Variants in TNXB observed in about 807,000 individuals in gnomAD.
TNXB encodes the protein tenascin XB.
Under a neutral mutation model 340.5 loss-of-function variants are expected in TNXB, and 183 were observed. That is an observed-to-expected ratio of 0.54 (90% CI 0.48 to 0.61). The LOEUF is 0.61. Among genes scored for constraint, TNXB ranks in the 20% least tolerant of loss-of-function variants. The probability of loss-of-function intolerance (pLI) is 0.00; values close to 1 mark genes in which losing one functional copy is unlikely to be tolerated. For missense variants in TNXB, 4,613 were observed against 5,446.4 expected (o/e 0.85, Z 4.82); for synonymous variants, 2,121 against 2,314.5 (o/e 0.92, Z 2.40).
Position 32,074,506 on chromosome 6 carries a change from T to A in TNXB, c.4376-554A>T, listed in dbSNP as rs1778972144. 6.6e-6 allele frequency among the ~76,000 whole-genome samples: 1 copy of A among 152,136 alleles called. No individual in the cohort carries two copies. Among genetic ancestry groups the A allele is most frequent in the Non-Finnish European group, 1.5e-5 (1 of 68,036 alleles). ...GGAGAGCGCTGAAATTCCATCTATA[T>A]GCCAATGACTCCAGATTTACACCCT... On this transcript the variant is annotated intron_variant, in intron 11 of 43. Coordinates refer to ENST00000644971, the MANE Select transcript of TNXB (RefSeq NM_001365276.2). The surrounding 1 kb of genome is among the most constrained non-coding windows in gnomAD (Gnocchi z 5.5).
rs1042215856 is a variant in TNXB at position 32,074,908 on chromosome 6, G to A, written c.4376-956C>T. On this transcript the variant is annotated intron_variant, in intron 11 of 43. Transcript: ENST00000644971. This position sits in a 1 kb window ranked among gnomAD's most constrained non-coding sequence, Gnocchi z 5.5. ...TTAGTCAGGTTGGTCTTGAACTCCC[G>A]ACCTCAGGTGATCCGCCCGCCTCGG... Among the ~76,000 whole-genome samples the A allele has an allele frequency of 1.2e-4, 18 of 152,158 alleles. No homozygotes were observed. The highest frequency in any genetic ancestry group is 4.3e-4 in the African/African-American group (18 of 41,426).
chr6:32,084,596 C>A lies in TNXB; in HGVS notation c.3262G>T (p.Glu1088Ter). ...TACTGGATCACGAAGGAGTCAAACTCGCCCTCGGGGACCGTCCAGCGCAGG... is the reference window on the plus strand; with the variant it reads ...TACTGGATCACGAAGGAGTCAAACTAGCCCTCGGGGACCGTCCAGCGCAGG... The part of the protein sequence containing the change: ...LLLRWTVPEG[E>*]FDSFVIQYKD... Residue 1088 changes from glutamate to a stop codon, truncating the protein, a stop_gained, in exon 8 of 44, where the codon GAG becomes TAG. Coordinates refer to ENST00000644971, the MANE Select transcript of TNXB (RefSeq NM_001365276.2). LOFTEE classifies it high-confidence loss of function. The surrounding 1 kb of genome is among the most constrained non-coding windows in gnomAD (Gnocchi z 5.5). 6.2e-7 allele frequency: 1 copy of A among 1,608,490 alleles called. No homozygotes were observed. The highest frequency in any genetic ancestry group is 8.5e-7 in the Non-Finnish European group (1 of 1,178,494).
chr6:32,078,920 TC>T, intron 11 of TNXB, 112 bp downstream of exon 11: 1 of 1,165,470 alleles, frequency 8.6e-7, no homozygotes, highest in African/African-American at 1.6e-5. Flanking sequence ...TTCTAGGTCT[TC>T]CCCTGGCAGG....
intron 6 of TNXB, among the ~76,000 whole-genome samples, chr6:32,088,171 C>T (rs1779902899): frequency 6.6e-6 from 1 of 152,198 alleles, no homozygotes; most frequent in Non-Finnish European, 1.5e-5. Context: ...CCCCCATTCC[C>T]CTCCAAGCCC....
Position 32,082,132 on chromosome 6 carries a change from C to A in TNXB, c.3640G>T (p.Val1214Phe), listed in dbSNP as rs1244913427. The A allele has an allele frequency of 1.2e-6, 2 of 1,611,782 alleles. No homozygotes were observed. Among genetic ancestry groups the A allele is most frequent in the Non-Finnish European group, 1.7e-6 (2 of 1,179,254 alleles). ...PVEGPERSFV[V>F]SSLDPDHKYR... The stretch of plus-strand genomic sequence containing the variant: ...TTGTGGTCAGGGTCCAGTGAGGAGA[C>A]AACAAATGAACGCTCGGGCCCTTCC... The change falls in exon 9 of 44, where the codon GTC becomes TTC. Residue 1214 changes from valine (V) to phenylalanine (F), a missense_variant. Physicochemically the swap from Val to Phe is conservative, Grantham distance 50 (BLOSUM62 -1). Transcript: ENST00000644971. The surrounding 1 kb of genome is among the most constrained non-coding windows in gnomAD (Gnocchi z 5.0).
chr6:32,076,389 A>T (rs1022528840), intron 11 of TNXB, among the ~76,000 whole-genome samples: 1 of 152,020 alleles, frequency 6.6e-6, no homozygotes, highest in African/African-American at 2.4e-5. Flanking sequence ...AGCTTGGCGG[A>T]CTCCAGCTGC....
In TNXB at chr6:32,087,152, C is replaced by A; in HGVS notation, c.2780-1034G>T. ...GGTAGGGCCTGAAGGTAGAAGGGGG[C>A]AGTGGGGGGTGGCAGTGGGAGGAAT... On this transcript the variant is annotated intron_variant, in intron 6 of 43. Transcript: ENST00000644971. The surrounding 1 kb of genome is among the most constrained non-coding windows in gnomAD (Gnocchi z 9.0). 1 of 430,726 alleles carries A rather than the reference C, an allele frequency of 2.3e-6. No homozygotes were observed. Among genetic ancestry groups the A allele is most frequent in the Non-Finnish European group, 4.7e-6 (1 of 212,540 alleles). The allele number at this position is 430,726 out of a possible 1,614,324, so 26.7% of individuals were successfully genotyped here.
At chr6:32,103,480 C>G (rs1422775949) in intron 1 of TNXB, among the ~76,000 whole-genome samples, 1 of 151,376 alleles carries the variant, frequency 6.6e-6, no homozygotes, top group Admixed American at 6.6e-5. Context: ...ATCTCACACC[C>G]CCTCCAGCCA....
chr6:32,059,944 C>G (rs1398014623), intron 21 of TNXB, among the ~76,000 whole-genome samples: 4 of 152,024 alleles, frequency 2.6e-5, no homozygotes, highest in Non-Finnish European at 5.9e-5. Flanking sequence ...TTAGAAAAGG[C>G]AGCCTGACTG....
In TNXB at chr6:32,048,649, C is replaced by G; in HGVS notation, c.9759G>C (p.Ala3253=). 6.8e-7 allele frequency: 1 copy of G among 1,468,188 alleles called. No individual in the cohort carries two copies. Among genetic ancestry groups the G allele is most frequent in the Non-Finnish European group, 9.1e-7 (1 of 1,103,678 alleles). The allele number at this position is 1,468,188 out of a possible 1,614,324, so 90.9% of individuals were successfully genotyped here. ...VGPVSTVGIT[A]PLPTPLPVEP... The stretch of plus-strand genomic sequence containing the variant: ...CCACCGGCAGTGGTGTGGGCAGGGG[C>G]GCTGAAAAGAGCAGAGCAGGCCCAT... The change falls in exon 29 of 44, where the codon GCG becomes GCC. Residue 3253 remains alanine (A), a splice_region_variant and synonymous_variant. Coordinates refer to ENST00000644971, the MANE Select transcript of TNXB (RefSeq NM_001365276.2).
At position 32,087,763 on chromosome 6, in the gene TNXB, A is replaced by C. The variant is rs1343538999; in HGVS notation, c.2779+1022T>G. 1 of 511,044 alleles carries C rather than the reference A, an allele frequency of 2.0e-6. No homozygotes were observed. Among genetic ancestry groups the C allele is most frequent in the Admixed American group, 2.0e-5 (1 of 50,840 alleles). 31.7% of individuals were successfully genotyped at this position (511,044 alleles called of 1,614,324 possible). On this transcript the variant is annotated intron_variant, in intron 6 of 43. Transcript: ENST00000644971. The surrounding 1 kb of genome is among the most constrained non-coding windows in gnomAD (Gnocchi z 9.0). ...GCCGTGAGCCCGCAGGTGGCGCTCCAGGTCCTGCACCGTGCCGCGGAAACG... is the reference window on the plus strand; with the variant it reads ...GCCGTGAGCCCGCAGGTGGCGCTCCCGGTCCTGCACCGTGCCGCGGAAACG...
Position 32,047,874 on chromosome 6 carries a change from C to T in TNXB, c.10184G>A (p.Arg3395Gln), listed in dbSNP as rs775334790. ...FVVQYKDKDG[R>Q]LQVVPVAANQ... ...GGCTGCCACCGGCACCACCTGGAGCCGACCATCCTTATCCTTGTACTGGAC... is the reference window on the plus strand; with the variant it reads ...GGCTGCCACCGGCACCACCTGGAGCTGACCATCCTTATCCTTGTACTGGAC... The change falls in exon 30 of 44, where the codon CGG (arginine) becomes CAG (glutamine). Residue 3395 changes from arginine (R) to glutamine (Q), a missense_variant. Arg to Gln is a conservative substitution (Grantham distance 43). Coordinates refer to ENST00000644971, the MANE Select transcript of TNXB (RefSeq NM_001365276.2). The surrounding 1 kb of genome is among the most constrained non-coding windows in gnomAD (Gnocchi z 6.2). 16 of 1,612,224 alleles carry T rather than the reference C, an allele frequency of 9.9e-6. No homozygotes were observed. The highest frequency in any genetic ancestry group is 2.2e-5 in the East Asian group (1 of 44,898).
chr6:32,073,737 T>C lies in TNXB; in HGVS notation c.4591A>G (p.Asn1531Asp). Residue 1531 changes from asparagine (N) to aspartate (D), a missense_variant, in exon 12 of 44, where the codon AAC becomes GAC. Coordinates refer to ENST00000644971, the MANE Select transcript of TNXB (RefSeq NM_001365276.2). The surrounding 1 kb of genome is among the most constrained non-coding windows in gnomAD (Gnocchi z 4.6). ...AADQREVTVY[N>D]LEPERKYKMN... ...TTATATTTTCTCTCAGGCTCCAGGT[T>C]GTAGACTGTGACCTCTCGCTGGTCT... The C allele has an allele frequency of 6.2e-7, 1 of 1,612,472 alleles. No homozygotes were observed. The highest frequency in any genetic ancestry group is 8.5e-7 in the Non-Finnish European group (1 of 1,179,590).
Position 32,046,080 on chromosome 6 carries a change from G to A in TNXB, c.10606+95C>T. The stretch of plus-strand genomic sequence containing the variant: ...GGACAGGCCAGGGCGCCCCACTCCG[G>A]CCTGCCCACTCCTGCAGTCATCTTT... On this transcript the variant is annotated intron_variant, in intron 31 of 43. Transcript: ENST00000644971. The surrounding 1 kb of genome is among the most constrained non-coding windows in gnomAD (Gnocchi z 6.9). 1 of 1,503,384 alleles carries A rather than the reference G, an allele frequency of 6.7e-7. No homozygotes were observed. The allele number at this position is 1,503,384 out of a possible 1,614,324, so 93.1% of individuals were successfully genotyped here.
At position 32,046,419 on chromosome 6, in the gene TNXB, T is replaced by C. The variant is rs776361570; in HGVS notation, c.10362A>G (p.Glu3454=). 1.9e-6 allele frequency: 3 copies of C among 1,578,046 alleles called. No individual in the cohort carries two copies. Among genetic ancestry groups the C allele is most frequent in the Admixed American group, 3.4e-5 (2 of 59,442 alleles). ...TGGAGGTCTCCTCAGCCACGGTCAG[T>C]TCCCCCAGGTGGGGAGGTAGCTCCT... ...LEKELPPHLG[E]LTVAEETSSS... The change falls in exon 31 of 44, where the codon GAA becomes GAG. Residue 3454 remains glutamate, a synonymous_variant. Coordinates refer to ENST00000644971, the MANE Select transcript of TNXB (RefSeq NM_001365276.2). The surrounding 1 kb of genome is among the most constrained non-coding windows in gnomAD (Gnocchi z 6.9).
intron 3 of TNXB, among the ~76,000 whole-genome samples, 194 bp downstream of exon 3, chr6:32,095,417 T>G (rs757764564): frequency 1.3e-5 from 2 of 151,982 alleles, no homozygotes; most frequent in African/African-American, 4.8e-5. Context: ...GGCCCCAACC[T>G]GCTCCTCAGA....
chr6:32,078,244 T>A (rs1353704367), intron 11 of TNXB, among the ~76,000 whole-genome samples: 1 of 151,704 alleles, frequency 6.6e-6, no homozygotes, highest in Non-Finnish European at 1.5e-5. Context: ...GATCTGGAGT[T>A]TGAGACCAGC....
intron 1 of TNXB, among the ~76,000 whole-genome samples, chr6:32,103,292 T>C (rs1214003882): frequency 6.6e-6 from 1 of 151,922 alleles, no homozygotes; most frequent in Non-Finnish European, 1.5e-5. Flanking sequence ...TAGCTGGGCA[T>C]GGTGGCAGGT....
rs530880273 is a variant in TNXB at position 32,047,902 on chromosome 6, C to T, written c.10156G>A (p.Val3386Met). ...TVPEGEFDSF[V>M]VQYKDKDGRL... ...CCATCCTTATCCTTGTACTGGACCA[C>T]GAAGGAGTCGAATTCGCCCTCAGGG... The change falls in exon 30 of 44, where the codon GTG becomes ATG. Residue 3386 changes from valine to methionine, a missense_variant. This residue lies in a region of TNXB where 4,327 missense variants were observed against 4,859.4 expected (regional missense o/e 0.89). Coordinates refer to ENST00000644971, the MANE Select transcript of TNXB (RefSeq NM_001365276.2). The surrounding 1 kb of genome is among the most constrained non-coding windows in gnomAD (Gnocchi z 6.2). The T allele has an allele frequency of 6.1e-5, 98 of 1,612,664 alleles. No homozygotes were observed. The East Asian group carries it at 6.5e-4, about 11-fold the overall frequency.
Sources: gnomAD v4.1 joint callset for allele counts (sites outside exome capture counted in the v4.1 genomes callset) on GRCh38, gnomAD v4.1.1 for gene constraint, gnomAD v4.1.1 regional missense constraint, Gnocchi (gnomAD v3.1) non-coding constraint, MANE v1.5 for transcripts, NCBI Gene and HGNC (gene_info 2026-07-23, HGNC 2026-07-21) for gene names.